The following SMARCA2 variants were observed in gnomAD, a reference collection of about 807,000 sequenced individuals.
The protein encoded by SMARCA2 is SWI/SNF related BAF chromatin remodeling complex subunit ATPase 2, also known as SWI/SNF-related matrix-associated actin-dependent regulator of chromatin subfamily A member 2.
In SMARCA2, 61 loss-of-function variants were observed where a neutral mutation model predicts 199.8. The observed-to-expected ratio is 0.31, with a 90% CI of 0.25 to 0.38. The LOEUF (loss-of-function observed/expected upper bound fraction) is 0.38, where lower values mean the gene tolerates loss of function less well. Ranked by LOEUF, SMARCA2 falls within the 10% of genes least tolerant of loss-of-function variation. SMARCA2 has a pLI of 1.00. For synonymous variants in SMARCA2, 935 were observed against 732.0 expected (o/e 1.28, Z -4.48); for missense variants, 1,344 against 2,012.2 (o/e 0.67, Z 6.35).
intron 24 of SMARCA2, among the ~76,000 whole-genome samples, chr9:2,113,742 C>T (rs1409177175): frequency 3.3e-5 from 5 of 152,178 alleles, no homozygotes; most frequent in African/African-American, 9.7e-5. Context: ...CCTATGTTGT[C>T]CATGTGCCCT....
rs1824161754 is a variant in SMARCA2, at chr9:2,135,643, G to A, written c.3981+11706G>A. ...TGCAACCTCTGCCTCCTGGGTTCAAGCAATTATCCTACTTCAGCCTCCCAA... is the reference window on the plus strand; with the variant it reads ...TGCAACCTCTGCCTCCTGGGTTCAAACAATTATCCTACTTCAGCCTCCCAA... On this transcript the variant is annotated intron_variant, in intron 27 of 33. Transcript: ENST00000349721. Among the ~76,000 whole-genome samples the A allele has an allele frequency of 3.3e-5, 5 of 152,220 alleles. 1 individual carries two copies. The South Asian group carries it at 1.0e-3, about 32-fold the overall frequency.
chr9:2,160,606 G>A (rs1206774157), intron 27 of SMARCA2: 1 of 702,354 alleles, frequency 1.4e-6, no homozygotes, highest in African/African-American at 1.7e-5. Flanking sequence ...GTTTGGTGCT[G>A]TGGAGAAATG....
Position 2,145,379 on chromosome 9 carries a change from G to A in SMARCA2, c.3982-16307G>A, listed in dbSNP as rs189644881. On this transcript the variant is annotated intron_variant, in intron 27 of 33. Coordinates refer to ENST00000349721, the MANE Select transcript of SMARCA2 (RefSeq NM_003070.5). The stretch of plus-strand genomic sequence containing the variant: ...AAAGGAGAGATATTTTAAGTAAGGA[G>A]CAATGGAGGAGAAAGTAAATAAAAG... 7.2e-5 allele frequency among the ~76,000 whole-genome samples: 11 copies of A among 151,922 alleles called. No individual in the cohort carries two copies. In the East Asian group the frequency reaches 1.2e-3, roughly 16 times the overall value.
At chr9:2,138,484 T>A (rs1380191121) in intron 27 of SMARCA2, among the ~76,000 whole-genome samples, 1 of 152,218 alleles carries the variant, frequency 6.6e-6, no homozygotes, top group African/African-American at 2.4e-5. Flanking sequence ...TTGAAGAATA[T>A]CTTTCCCTTG....
At chr9:2,159,926 G>T (rs192145143) in intron 27 of SMARCA2, 1 of 1,602,700 alleles carries the variant, frequency 6.2e-7, no homozygotes, top group African/African-American at 1.3e-5. Flanking sequence ...ATCCTTTTTC[G>T]TTGCCGTCTT....
intron 19 of SMARCA2, among the ~76,000 whole-genome samples, chr9:2,090,824 T>C (rs1822022638): frequency 6.6e-6 from 1 of 152,174 alleles, no homozygotes; most frequent in South Asian, 2.1e-4. Flanking sequence ...GCTGGGCTGA[T>C]GTTCATTTTC....
chr9:2,076,815 C>G (rs1042874753), intron 13 of SMARCA2, among the ~76,000 whole-genome samples: 9 of 152,138 alleles, frequency 5.9e-5, no homozygotes, highest in African/African-American at 2.2e-4. Flanking sequence ...TCCCTGAACC[C>G]TCTCCAGCCC....
rs567722700 is a variant in SMARCA2 at position 2,182,086 on chromosome 9, C to A, written c.4360-55C>A. The A allele has an allele frequency of 7.8e-4, 865 of 1,108,650 alleles. 16 individuals carry two copies. In the South Asian group the frequency reaches 0.01, roughly 13 times the overall value. The allele number at this position is 1,108,650 out of a possible 1,614,324, so 68.7% of individuals were successfully genotyped here. A position where few individuals can be genotyped will look rare whatever the true frequency, so the allele number is the denominator to read the frequency against. ...CAGGCTTTGTTAACTAAGTAATGAT[C>A]GCTGAATTTTCCTCTCCCTCTTTTT... On this transcript the variant is annotated intron_variant, in intron 30 of 33. Coordinates refer to ENST00000349721, the MANE Select transcript of SMARCA2 (RefSeq NM_003070.5).
intron 27 of SMARCA2, among the ~76,000 whole-genome samples, chr9:2,142,574 C>T (rs750564566): frequency 9.2e-5 from 14 of 152,144 alleles, no homozygotes; most frequent in Non-Finnish European, 1.8e-4. Context: ...TCAGTCCAAA[C>T]CAATGGCCTC....
At chr9:2,064,098 G>T (rs1043069294) in intron 9 of SMARCA2, among the ~76,000 whole-genome samples, 5 of 152,192 alleles carry the variant, frequency 3.3e-5, no homozygotes, top group African/African-American at 1.2e-4. Context: ...TGCGTTTAGC[G>T]TGACCTTGAG....
At position 2,123,772 on chromosome 9, in the gene SMARCA2, C is replaced by T. The variant is rs560377974; in HGVS notation, c.3816C>T (p.Pro1272=). 4 of 1,614,032 alleles carry T rather than the reference C, an allele frequency of 2.5e-6. No individual in the cohort carries two copies. The highest frequency in any genetic ancestry group is 1.3e-5 in the African/African-American group (1 of 75,030). ...REDARNPKRK[P]RLMEEDELPS... ...ATGCCCGGAACCCGAAACGGAAGCC[C>T]CGTTTAATGGAGGAGGATGAGCTGC... is the stretch of plus-strand genomic sequence containing the variant. The change falls in exon 27 of 34, where the codon CCC becomes CCT. Residue 1272 remains proline, a synonymous_variant. Transcript: ENST00000349721. The surrounding 1 kb of genome is among the most constrained non-coding windows in gnomAD (Gnocchi z 4.1).
chr9:2,138,641 G>C lies in SMARCA2; in HGVS notation c.3981+14704G>C, dbSNP rs150249421. ...ATGGGCTCAGGTGTCAGATGATCAG[G>C]GTTCTGCTTGCAGATTTGTCACTGA... On this transcript the variant is annotated intron_variant, in intron 27 of 33. Transcript: ENST00000349721. Among the ~76,000 whole-genome samples the C allele has an allele frequency of 2.1e-3, 314 of 152,258 alleles. 2 individuals carry two copies. Among genetic ancestry groups the C allele is most frequent in the African/African-American group, 7.1e-3 (293 of 41,558 alleles).
intron 5 of SMARCA2, among the ~76,000 whole-genome samples, chr9:2,053,982 C>T (rs1003699971): frequency 4.6e-5 from 7 of 152,128 alleles, no homozygotes; most frequent in Non-Finnish European, 1.5e-5. Flanking sequence ...TTTTTTAAAA[C>T]AGCCTCATTT....
chr9:2,162,381 A>G (rs1825727605), intron 28 of SMARCA2, among the ~76,000 whole-genome samples: 1 of 152,186 alleles, frequency 6.6e-6, no homozygotes, highest in African/African-American at 2.4e-5. Context: ...TGAATTTCTG[A>G]GCACTTGAAT....
intron 27 of SMARCA2, chr9:2,158,770 T>G (rs1385616102): frequency 4.3e-6 from 2 of 469,612 alleles, no homozygotes; most frequent in Non-Finnish European, 7.4e-6. Context: ...ATAATTTTAC[T>G]TACATGCAGG....
intron 26 of SMARCA2, among the ~76,000 whole-genome samples, chr9:2,120,570 A>G (rs1044246316): frequency 6.6e-6 from 1 of 152,190 alleles, no homozygotes; most frequent in Non-Finnish European, 1.5e-5. Context: ...CAGGGTTTGC[A>G]ATCTCCACCT....
At position 2,192,971 on chromosome 9, in the gene SMARCA2, G is replaced by GAAAC. The variant is rs779056668; in HGVS notation, c.*240_*243dup. The GAAAC allele has an allele frequency of 5.9e-5, 29 of 489,156 alleles. No homozygotes were observed. Among genetic ancestry groups the GAAAC allele is most frequent in the African/African-American group, 2.0e-4 (10 of 50,612 alleles). The allele number at this position is 489,156 out of a possible 1,614,324, so 30.3% of individuals were successfully genotyped here. A position where few individuals can be genotyped will look rare whatever the true frequency, so the allele number is the denominator to read the frequency against. Reference sequence around the variant, plus strand: ...CAAATGGGCCTCAAAGATTCAGATTGAAACAAACAAAAAGCTTTTGATGGA... The same window carrying GAAAC: ...CAAATGGGCCTCAAAGATTCAGATTGAAACAAACAAACAAAAAGCTTTTGATGGA... On this transcript the variant is annotated 3_prime_UTR_variant, in exon 34 of 34. Coordinates refer to ENST00000349721, the MANE Select transcript of SMARCA2 (RefSeq NM_003070.5).
intron 29 of SMARCA2, among the ~76,000 whole-genome samples, chr9:2,175,838 CACT>C (rs1490917589): frequency 6.6e-6 from 1 of 151,982 alleles, no homozygotes; most frequent in Non-Finnish European, 1.5e-5. Flanking sequence ...AGTTGTACTG[CACT>C]ACAATTTGAT....
At chr9:2,054,871 C>A in intron 6 of SMARCA2, 148 bp downstream of exon 6, 1 of 765,222 alleles carries the variant, frequency 1.3e-6, no homozygotes, top group Non-Finnish European at 2.0e-6. Flanking sequence ...TTTAGACCAA[C>A]AGCTTACAAC....
Sources: gnomAD v4.1 joint callset for allele counts (sites outside exome capture counted in the v4.1 genomes callset) on GRCh38, gnomAD v4.1.1 for gene constraint, Gnocchi (gnomAD v3.1) non-coding constraint, MANE v1.5 for transcripts, NCBI Gene and HGNC (gene_info 2026-07-23, HGNC 2026-07-21) for gene names.